DPF3: variants seen among roughly 807,000 people sequenced by gnomAD.
DPF3 encodes the protein double PHD fingers 3.
In DPF3, 18 loss-of-function variants were observed where a neutral mutation model predicts 56.8. That is an observed-to-expected ratio of 0.32 (90% CI 0.22 to 0.47). DPF3 has a LOEUF of 0.47. Among genes scored for constraint, DPF3 ranks in the 20% least tolerant of loss-of-function variants. The pLI is 1.00. For missense variants in DPF3, 403 were observed against 488.8 expected (o/e 0.82, Z 1.65); for synonymous variants, 188 against 180.2 (o/e 1.04, Z -0.35).
chr14:72,797,854 C>T (rs1296620576), intron 1 of DPF3, among the ~76,000 whole-genome samples: 5 of 152,166 alleles, frequency 3.3e-5, no homozygotes, highest in Admixed American at 1.3e-4. Flanking sequence ...ACCATTTCTA[C>T]GTCTATAAAA....
chr14:72,739,695 C>A (rs1890049036), intron 3 of DPF3, among the ~76,000 whole-genome samples: 1 of 152,162 alleles, frequency 6.6e-6, no homozygotes, highest in Non-Finnish European at 1.5e-5. Context: ...TGGTGCTGCT[C>A]CAAGTCCAGG....
At chr14:72,838,909 T>TATATATATATATATATATATATATA (rs1491369142) in intron 1 of DPF3, among the ~76,000 whole-genome samples, 7 of 7,648 alleles carry the variant, frequency 9.2e-4, no homozygotes, top group African/African-American at 1.9e-3. Context: ...ATATATATTC[T>TATATATATATATATATATATATATA]TTTTTTTTTT....
intron 5 of DPF3, among the ~76,000 whole-genome samples, chr14:72,719,758 T>C (rs1259741247): frequency 6.6e-6 from 1 of 152,172 alleles, no homozygotes; most frequent in Non-Finnish European, 1.5e-5. Flanking sequence ...TGCCCCCTCC[T>C]GATAATATCT....
chr14:72,676,576 G>C (rs1886918328), intron 7 of DPF3, among the ~76,000 whole-genome samples: 1 of 152,214 alleles, frequency 6.6e-6, no homozygotes, highest in Non-Finnish European at 1.5e-5. Context: ...TGTCATGGGA[G>C]AGACTGAGTA....
intron 1 of DPF3, among the ~76,000 whole-genome samples, chr14:72,836,737 C>T (rs574909153): frequency 6.6e-6 from 1 of 152,170 alleles, no homozygotes; most frequent in East Asian, 1.9e-4. Flanking sequence ...GAAAATCTCT[C>T]TCAAGCTGGT....
In DPF3 at chr14:72,611,528, G is replaced by T. The variant is rs151209294; in HGVS notation, c.*7769C>A. Among the ~76,000 whole-genome samples, 1 of 148,898 alleles carries T rather than the reference G, an allele frequency of 6.7e-6. No individual in the cohort carries two copies. The highest frequency in any genetic ancestry group is 2.1e-4 in the East Asian group (1 of 4,766). ...TTGAAGCCCCCACCCCCCCAGTCCC[G>T]CTCTCTGCTTTCTCTAGCAGGGAAA... On this transcript the variant is annotated 3_prime_UTR_variant, in exon 11 of 11. Transcript: ENST00000556509.
At chr14:72,766,389 G>C (rs1178428138) in intron 2 of DPF3, among the ~76,000 whole-genome samples, 1 of 152,182 alleles carries the variant, frequency 6.6e-6, no homozygotes, top group Non-Finnish European at 1.5e-5. Flanking sequence ...AACAGGGTGG[G>C]TGGTGAGCTC....
intron 8 of DPF3, among the ~76,000 whole-genome samples, chr14:72,658,735 T>G (rs1392399153): frequency 6.6e-6 from 1 of 152,048 alleles, no homozygotes; most frequent in Non-Finnish European, 1.5e-5. Flanking sequence ...CAATCCTAAG[T>G]CAGGATACTG....
intron 8 of DPF3, chr14:72,670,461 G>A (rs1266940773): frequency 1.4e-5 from 14 of 985,864 alleles, no homozygotes; most frequent in Middle Eastern, 5.2e-4. Context: ...ACATTTTCTC[G>A]CAAGCAGAGA....
chr14:72,750,175 C>G (rs546005575), intron 3 of DPF3, among the ~76,000 whole-genome samples: 1 of 152,262 alleles, frequency 6.6e-6, no homozygotes, highest in East Asian at 1.9e-4. Flanking sequence ...GTATACCTAT[C>G]AATAGTATGA....
intron 2 of DPF3, among the ~76,000 whole-genome samples, chr14:72,769,710 C>CTGGCCAGAATCCTGAA (rs1891441918): frequency 6.7e-6 from 1 of 149,526 alleles, no homozygotes; most frequent in South Asian, 2.1e-4. Context: ...CACATCAGCA[C>CTGGCCAGAATCCTGAA]TGGCCAGAAT....
intron 8 of DPF3, among the ~76,000 whole-genome samples, chr14:72,657,291 C>A (rs1567191185): frequency 6.6e-6 from 1 of 152,184 alleles, no homozygotes; most frequent in Non-Finnish European, 1.5e-5. Flanking sequence ...ACTCTACCAT[C>A]TATGTTCACT....
At chr14:72,709,467 C>CCTGA (rs747974215) in intron 6 of DPF3, among the ~76,000 whole-genome samples, 3 of 152,140 alleles carry the variant, frequency 2.0e-5, no homozygotes, top group Non-Finnish European at 4.4e-5. Context: ...GTAACTACTA[C>CCTGA]CTGACTCCAG....
chr14:72,884,940 C>CTATATATA (rs773450437), intron 1 of DPF3, among the ~76,000 whole-genome samples: 968 of 29,594 alleles, frequency 0.033, 153 homozygotes, highest in Middle Eastern at 0.12. Context: ...ACTAAAAATA[C>CTATATATA]TATATATATA....
intron 9 of DPF3, among the ~76,000 whole-genome samples, chr14:72,622,988 A>G (rs1213948592): frequency 2.0e-5 from 3 of 152,258 alleles, no homozygotes; most frequent in African/African-American, 4.8e-5. Flanking sequence ...AAAATTATGC[A>G]GCTGTAGGAA....
intron 1 of DPF3, among the ~76,000 whole-genome samples, chr14:72,825,368 C>G (rs1309440026): frequency 1.3e-5 from 2 of 152,228 alleles, no homozygotes; most frequent in African/African-American, 4.8e-5. Flanking sequence ...CTGGTACTGG[C>G]GGACATTTTT....
At chr14:72,725,230 C>A (rs752948087) in intron 4 of DPF3, among the ~76,000 whole-genome samples, 9 of 152,122 alleles carry the variant, frequency 5.9e-5, no homozygotes, top group Non-Finnish European at 8.8e-5. Context: ...AAAGGGAGAA[C>A]AGATTTAAAC....
intron 8 of DPF3, chr14:72,662,809 T>C: frequency 1.0e-6 from 1 of 986,218 alleles, no homozygotes; most frequent in Non-Finnish European, 1.2e-6. Context: ...TGAAGGATGC[T>C]GGAGTCCCCA....
chr14:72,673,899 A>G (rs958066044), intron 8 of DPF3: 2 of 238,084 alleles, frequency 8.4e-6, no homozygotes, highest in Non-Finnish European at 1.6e-5. Flanking sequence ...TTACATGTGC[A>G]TCATCCACTA....
Sources: allele counts gnomAD v4.1 joint callset (sites outside exome capture counted in the v4.1 genomes callset), GRCh38; gene constraint gnomAD v4.1.1; transcripts MANE v1.5; gene names NCBI Gene and HGNC (gene_info 2026-07-23, HGNC 2026-07-21).